GABRG3: variants seen among roughly 807,000 people sequenced by gnomAD.
GABRG3 encodes the protein gamma-aminobutyric acid type A receptor subunit gamma3.
Under a neutral mutation model 48.8 loss-of-function variants are expected in GABRG3, and 25 were observed. The observed-to-expected ratio is 0.51, with a 90% CI of 0.37 to 0.72. GABRG3 has a LOEUF of 0.72. Ranked by LOEUF, GABRG3 falls within the 30% of genes least tolerant of loss-of-function variation. GABRG3 has a pLI of 0.00. For missense variants in GABRG3, 394 were observed against 577.9 expected (o/e 0.68, Z 3.26); for synonymous variants, 227 against 217.6 (o/e 1.04, Z -0.38).
In GABRG3 at chr15:27,206,922, T is replaced by C. The variant is rs76172971; in HGVS notation, c.271-119887T>C. 3.5e-3 allele frequency among the ~76,000 whole-genome samples: 537 copies of C among 152,290 alleles called. 2 individuals are homozygous for C. Among genetic ancestry groups the C allele is most frequent in the African/African-American group, 0.012 (489 of 41,556 alleles). ...GTCTGATAGATTTTTCTCCATCCCTTTACTTGGAGCCTATGGGTATCACTG... is the reference window on the plus strand; with the variant it reads ...GTCTGATAGATTTTTCTCCATCCCTCTACTTGGAGCCTATGGGTATCACTG... On this transcript the variant is annotated intron_variant, in intron 3 of 9. Coordinates refer to ENST00000615808, the MANE Select transcript of GABRG3 (RefSeq NM_033223.5).
chr15:27,150,939 A>G (rs1428863334), intron 3 of GABRG3, among the ~76,000 whole-genome samples: 1 of 152,242 alleles, frequency 6.6e-6, no homozygotes, highest in Non-Finnish European at 1.5e-5. Context: ...TGCTCAGGTA[A>G]TGATGAAGAA....
intron 5 of GABRG3, among the ~76,000 whole-genome samples, chr15:27,394,422 G>T (rs893419414): frequency 6.6e-6 from 1 of 151,890 alleles, no homozygotes; most frequent in Non-Finnish European, 1.5e-5. Flanking sequence ...AAGTATATAA[G>T]CACAGTTTAA....
At chr15:27,369,360 G>T (rs368104994) in intron 5 of GABRG3, among the ~76,000 whole-genome samples, 1 of 152,196 alleles carries the variant, frequency 6.6e-6, no homozygotes, top group Non-Finnish European at 1.5e-5. Flanking sequence ...GAGGAAAATT[G>T]CCTGACCAGA....
intron 5 of GABRG3, among the ~76,000 whole-genome samples, chr15:27,464,732 C>T (rs1052771168): frequency 1.3e-5 from 2 of 152,150 alleles, no homozygotes; most frequent in Admixed American, 6.5e-5. Context: ...TCTTTTCATG[C>T]ACTTATTACC....
chr15:27,195,776 A>T (rs1398108858), intron 3 of GABRG3, among the ~76,000 whole-genome samples: 1 of 152,140 alleles, frequency 6.6e-6, no homozygotes. Context: ...CTGGGATTAC[A>T]GGTGCCCACC....
intron 3 of GABRG3, among the ~76,000 whole-genome samples, chr15:27,198,539 C>G (rs1338389692): frequency 1.3e-5 from 2 of 152,160 alleles, no homozygotes; most frequent in Non-Finnish European, 2.9e-5. Flanking sequence ...TGCTTTTACA[C>G]TGTTGGTGGG....
At chr15:27,426,760 G>A (rs1235394705) in intron 5 of GABRG3, among the ~76,000 whole-genome samples, 2 of 152,152 alleles carry the variant, frequency 1.3e-5, no homozygotes, top group African/African-American at 4.8e-5. Context: ...TGAGCCCAAG[G>A]CTGTAGTGAG....
intron 5 of GABRG3, among the ~76,000 whole-genome samples, chr15:27,431,711 C>T (rs1386055507): frequency 6.6e-6 from 1 of 152,058 alleles, no homozygotes; most frequent in African/African-American, 2.4e-5. Flanking sequence ...CTCCTGACTG[C>T]TTTTTTCATG....
Position 27,192,960 on chromosome 15 carries a change from T to C in GABRG3, c.271-133849T>C, listed in dbSNP as rs539143981. Among the ~76,000 whole-genome samples the C allele has an allele frequency of 7.8e-3, 1,186 of 152,308 alleles. 19 individuals are homozygous for C. The highest frequency in any genetic ancestry group is 0.027 in the African/African-American group (1,120 of 41,568). On this transcript the variant is annotated intron_variant, in intron 3 of 9. Coordinates refer to ENST00000615808, the MANE Select transcript of GABRG3 (RefSeq NM_033223.5). Reference sequence around the variant, plus strand: ...GACAGGACCCTCAGCTGCAGGTCTGTTGGAGTTTGCTAGAGGTCCACTCCA... The same window carrying C: ...GACAGGACCCTCAGCTGCAGGTCTGCTGGAGTTTGCTAGAGGTCCACTCCA...
At chr15:27,335,758 A>G (rs1272985903) in intron 5 of GABRG3, among the ~76,000 whole-genome samples, 1 of 152,182 alleles carries the variant, frequency 6.6e-6, no homozygotes, top group Non-Finnish European at 1.5e-5. Context: ...GCTGCCCAAC[A>G]TTGGGAATGT....
chr15:27,489,400 G>A (rs181123120), intron 6 of GABRG3, among the ~76,000 whole-genome samples: 10 of 152,240 alleles, frequency 6.6e-5, no homozygotes, highest in East Asian at 5.8e-4. Context: ...ACCCAGTTAC[G>A]GGATTGCTGG....
At chr15:27,214,446 A>G (rs1889175451) in intron 3 of GABRG3, among the ~76,000 whole-genome samples, 1 of 152,176 alleles carries the variant, frequency 6.6e-6, no homozygotes, top group African/African-American at 2.4e-5. Flanking sequence ...TCAAACAAAA[A>G]CAGTGTAGGC....
chr15:27,491,807 C>T (rs939693571), intron 6 of GABRG3, among the ~76,000 whole-genome samples: 1 of 152,164 alleles, frequency 6.6e-6, no homozygotes, highest in East Asian at 1.9e-4. Flanking sequence ...TGAAGAATTA[C>T]GAGGACATTG....
At chr15:27,486,029 G>T (rs1890211219) in intron 6 of GABRG3, among the ~76,000 whole-genome samples, 1 of 152,182 alleles carries the variant, frequency 6.6e-6, no homozygotes, top group Non-Finnish European at 1.5e-5. Flanking sequence ...AATTTGGGTA[G>T]AATGCGCAGC....
At chr15:27,369,022 G>C (rs1444987603) in intron 5 of GABRG3, among the ~76,000 whole-genome samples, 2 of 152,076 alleles carry the variant, frequency 1.3e-5, no homozygotes, top group African/African-American at 2.4e-5. Context: ...TCATTGTTTT[G>C]AAAAGTTTTA....
chr15:27,397,260 G>A (rs550742213), intron 5 of GABRG3, among the ~76,000 whole-genome samples: 6 of 149,482 alleles, frequency 4.0e-5, no homozygotes, highest in Non-Finnish European at 8.8e-5. Flanking sequence ...AGACCAGAAC[G>A]ACTGCAATTT....
At chr15:27,452,501 C>A (rs1157867856) in intron 5 of GABRG3, among the ~76,000 whole-genome samples, 3 of 152,132 alleles carry the variant, frequency 2.0e-5, no homozygotes, top group Non-Finnish European at 2.9e-5. Context: ...GAGAGCCCTA[C>A]CTATAACAAA....
chr15:27,077,015 G>T (rs539593282), intron 3 of GABRG3, among the ~76,000 whole-genome samples: 30 of 152,324 alleles, frequency 2.0e-4, no homozygotes, highest in Non-Finnish European at 2.4e-4. Context: ...TCCAACCCGA[G>T]GCTGCCCTCT....
chr15:27,391,612 G>A (rs1041066230), intron 5 of GABRG3, among the ~76,000 whole-genome samples: 2 of 152,092 alleles, frequency 1.3e-5, no homozygotes, highest in Non-Finnish European at 2.9e-5. Flanking sequence ...GGAACATGGG[G>A]GCCTCTGTTT....
Sources: allele counts gnomAD v4.1 joint callset (sites outside exome capture counted in the v4.1 genomes callset), GRCh38; gene constraint gnomAD v4.1.1; transcripts MANE v1.5; gene names NCBI Gene and HGNC (gene_info 2026-07-23, HGNC 2026-07-21).